Variants in CHRNA9 observed in about 807,000 individuals in gnomAD.
CHRNA9 encodes the protein cholinergic receptor nicotinic alpha 9 subunit.
In CHRNA9, 24 loss-of-function variants were observed where a neutral mutation model predicts 36.8. The observed-to-expected ratio is 0.65, with a 90% CI of 0.47 to 0.92. The LOEUF is 0.92. Ranked by LOEUF, CHRNA9 falls within the 40% of genes least tolerant of loss-of-function variation. The probability of loss-of-function intolerance (pLI) is 0.00; values close to 1 mark genes in which losing one functional copy is unlikely to be tolerated. For missense variants in CHRNA9, 610 were observed against 601.2 expected (o/e 1.01, Z -0.15); for synonymous variants, 231 against 231.8 (o/e 1.00, Z 0.03).
In CHRNA9 at chr4:40,354,269, A is replaced by T; in HGVS notation, c.1189A>T (p.Asn397Tyr). 6.2e-7 allele frequency: 1 copy of T among 1,614,244 alleles called. No homozygotes were observed. Among genetic ancestry groups the T allele is most frequent in the Non-Finnish European group, 8.5e-7 (1 of 1,180,038 alleles). Reference sequence around the variant, plus strand: ...AGACCTTTCCAGAAAGAAGGACATGAACAAACGCTTAAAGAACGACCTGGG... The same window carrying T: ...AGACCTTTCCAGAAAGAAGGACATGTACAAACGCTTAAAGAACGACCTGGG... ...NKDLSRKKDM[N>Y]KRLKNDLGCQ... The change falls in exon 5 of 5, where the codon AAC (asparagine) becomes TAC (tyrosine). Residue 397 changes from asparagine (N) to tyrosine (Y), a missense_variant. Asn to Tyr is a moderately radical substitution (Grantham distance 143). Coordinates refer to ENST00000310169, the MANE Select transcript of CHRNA9 (RefSeq NM_017581.4).
At chr4:40,339,299 A>G (rs1295956086) in intron 3 of CHRNA9, among the ~76,000 whole-genome samples, 1 of 144,292 alleles carries the variant, frequency 6.9e-6, no homozygotes, top group African/African-American at 2.6e-5. Context: ...AAAAAAAAAA[A>G]AAGAAAGAAA....
chr4:40,354,052 CT>C lies in CHRNA9; in HGVS notation c.974del (p.Phe325SerfsTer18), dbSNP rs1712877690. ...ALTIMVMNIH[F>X]CGAEARPVPH... ...TGACCATCATGGTGATGAATATCCA[CT>C]TCTGTGGGGCCGAGGCCCGGCCGGT... On this transcript the variant is annotated frameshift_variant, in exon 5 of 5. Transcript: ENST00000310169. LOFTEE classifies it low-confidence loss of function (END_TRUNC). The C allele has an allele frequency of 6.2e-7, 1 of 1,614,112 alleles. No individual in the cohort carries two copies. Among genetic ancestry groups the C allele is most frequent in the Admixed American group, 1.7e-5 (1 of 60,006 alleles).
Position 40,354,526 on chromosome 4 carries a change from G to T in CHRNA9, c.*6G>T, listed in dbSNP as rs777517452. The T allele has an allele frequency of 1.9e-6, 3 of 1,593,058 alleles. No homozygotes were observed. The highest frequency in any genetic ancestry group is 2.6e-6 in the Non-Finnish European group (3 of 1,165,444). On this transcript the variant is annotated 3_prime_UTR_variant, in exon 5 of 5. Coordinates refer to ENST00000310169, the MANE Select transcript of CHRNA9 (RefSeq NM_017581.4). ...TCATAGCAAGAGCGGATTAGTCACAGATATTGGCTTTGCTATCTGGGTAGA... is the reference window on the plus strand; with the variant it reads ...TCATAGCAAGAGCGGATTAGTCACATATATTGGCTTTGCTATCTGGGTAGA...
In CHRNA9 at chr4:40,354,449, C is replaced by T. The variant is rs200608832; in HGVS notation, c.1369C>T (p.Arg457Ter). The T allele has an allele frequency of 2.7e-4, 442 of 1,613,850 alleles. No homozygotes were observed. Among genetic ancestry groups the T allele is most frequent in the Non-Finnish European group, 3.6e-4 (423 of 1,179,954 alleles). The part of the protein sequence containing the change: ...EWKKVAKVID[R>*]FFMWIFFIMV... ...GAAGAAGGTGGCGAAAGTCATAGAC[C>T]GATTCTTCATGTGGATTTTTTTCAT... The change falls in exon 5 of 5, where the codon CGA becomes TGA. Residue 457 changes from arginine (R) to a stop codon, truncating the protein, a stop_gained. Coordinates refer to ENST00000310169, the MANE Select transcript of CHRNA9 (RefSeq NM_017581.4). LOFTEE classifies it high-confidence loss of function.
Position 40,335,837 on chromosome 4 carries a change from G to A in CHRNA9, c.75G>A (p.Thr25=), listed in dbSNP as rs541218458. 2.9e-5 allele frequency: 46 copies of A among 1,612,914 alleles called. No individual in the cohort carries two copies. In the South Asian group the frequency reaches 4.1e-4, roughly 14 times the overall value. The change falls in exon 2 of 5, where the codon ACG becomes ACA. Residue 25 remains threonine (T), a synonymous_variant. Coordinates refer to ENST00000310169, the MANE Select transcript of CHRNA9 (RefSeq NM_017581.4). ...CCTCTTGTTGAGTAGCTGCAGAGAC[G>A]GCAGATGGAAAATATGCTCAGAAGT... ...FAASRLRAAE[T]ADGKYAQKLF...
chr4:40,339,279 C>CAAAAAAAAA (rs61634062), intron 3 of CHRNA9, among the ~76,000 whole-genome samples: 13 of 71,142 alleles, frequency 1.8e-4, no homozygotes, highest in East Asian at 8.8e-4. Flanking sequence ...GACTCCATCT[C>CAAAAAAAAA]AAAAAAAAAA....
intron 3 of CHRNA9, among the ~76,000 whole-genome samples, chr4:40,338,868 GTC>G: frequency 9.1e-6 from 1 of 109,626 alleles, no homozygotes; most frequent in Non-Finnish European, 1.8e-5. Context: ...CTCTCTCTCT[GTC>G]TCTCTCTCTC....
intron 3 of CHRNA9, among the ~76,000 whole-genome samples, chr4:40,340,585 A>G (rs1712470637): frequency 6.6e-6 from 1 of 152,188 alleles, no homozygotes; most frequent in African/African-American, 2.4e-5. Flanking sequence ...TGCTTCTCAG[A>G]AGCAGGTACA....
intron 4 of CHRNA9, among the ~76,000 whole-genome samples, chr4:40,352,376 T>C (rs6447484): frequency 0.92 from 140,136 of 152,036 alleles, 64,766 homozygotes; most frequent in East Asian, 1. Context: ...CACGTGCCAA[T>C]ACACCCAGCT....
chr4:40,340,895 A>G (rs73146113), intron 3 of CHRNA9, among the ~76,000 whole-genome samples: 20,979 of 150,914 alleles, frequency 0.14, 1,539 homozygotes, highest in African/African-American at 0.16. Flanking sequence ...AAAGTAAGGT[A>G]GAAAAAAGAG....
Position 40,342,707 on chromosome 4 carries a change from C to G in CHRNA9, c.365+5343C>G. Among the ~76,000 whole-genome samples, 3 of 152,150 alleles carry G rather than the reference C, an allele frequency of 2.0e-5. 1 individual carries two copies. In the South Asian group the frequency reaches 6.2e-4, roughly 32 times the overall value. ...GAAATAAAAGCAAGAGGAAACGGGACAATAGCAGGTATCAGTTACTTTTGA... is the reference window on the plus strand; with the variant it reads ...GAAATAAAAGCAAGAGGAAACGGGAGAATAGCAGGTATCAGTTACTTTTGA... On this transcript the variant is annotated intron_variant, in intron 3 of 4. Transcript: ENST00000310169.
intron 4 of CHRNA9, among the ~76,000 whole-genome samples, chr4:40,350,727 C>CACACACACACACACACA (rs3219981): frequency 3.3e-5 from 5 of 149,386 alleles, no homozygotes; most frequent in Admixed American, 6.7e-5. Context: ...CACACACACA[C>CACACACACACACACACA]CTCTCTTTTT....
chr4:40,355,059 G>C lies in CHRNA9; in HGVS notation c.*539G>C, dbSNP rs1024506072. 3 of 152,462 alleles carry C rather than the reference G, an allele frequency of 2.0e-5. No homozygotes were observed. The highest frequency in any genetic ancestry group is 4.4e-5 in the Non-Finnish European group (3 of 68,328). 9.4% of individuals were successfully genotyped at this position (152,462 alleles called of 1,614,324 possible). On this transcript the variant is annotated 3_prime_UTR_variant, in exon 5 of 5. Coordinates refer to ENST00000310169, the MANE Select transcript of CHRNA9 (RefSeq NM_017581.4). The stretch of plus-strand genomic sequence containing the variant: ...AGTCTAAGCATCAGCTGTTTAATGG[G>C]GAAAAGAACTTTCTTCATAATGGTG...
chr4:40,339,279 C>CAA (rs61634062), intron 3 of CHRNA9, among the ~76,000 whole-genome samples: 32 of 71,104 alleles, frequency 4.5e-4, no homozygotes, highest in African/African-American at 5.8e-4. Flanking sequence ...GACTCCATCT[C>CAA]AAAAAAAAAA....
rs536543895 is a variant in CHRNA9, at chr4:40,337,358, A to G, written c.359A>G (p.Tyr120Cys). ...GTGTGGAGGCCAGACATCGTCTTATATAACAAGTAAGTGCAGCTCAGAACT... is the reference window on the plus strand; with the variant it reads ...GTGTGGAGGCCAGACATCGTCTTATGTAACAAGTAAGTGCAGCTCAGAACT... ...DLVWRPDIVLYNKADDESSEP... is the reference protein window; with the variant it reads ...DLVWRPDIVLCNKADDESSEP... The change falls in exon 3 of 5, where the codon TAT (tyrosine) becomes TGT (cysteine). Residue 120 changes from tyrosine to cysteine, a missense_variant. Coordinates refer to ENST00000310169, the MANE Select transcript of CHRNA9 (RefSeq NM_017581.4). The G allele has an allele frequency of 9.3e-6, 15 of 1,613,982 alleles. No homozygotes were observed. Among genetic ancestry groups the G allele is most frequent in the Admixed American group, 1.7e-5 (1 of 60,014 alleles).
chr4:40,352,807 A>C (rs1373710915), intron 4 of CHRNA9, among the ~76,000 whole-genome samples: 2 of 152,220 alleles, frequency 1.3e-5, no homozygotes, highest in African/African-American at 4.8e-5. Context: ...TAATAGTGAT[A>C]CAGTCTCCTT....
chr4:40,349,605 T>A, intron 4 of CHRNA9, 191 bp downstream of exon 4: 1 of 582,432 alleles, frequency 1.7e-6, no homozygotes, highest in Non-Finnish European at 3.0e-6. Flanking sequence ...TCAAAACTGG[T>A]CTTATGGTCT....
chr4:40,335,926 T>C lies in CHRNA9; in HGVS notation c.164T>C (p.Val55Ala). The change falls in exon 2 of 5, where the codon GTC becomes GCC. Residue 55 changes from valine (V) to alanine (A), a missense_variant. Coordinates refer to ENST00000310169, the MANE Select transcript of CHRNA9 (RefSeq NM_017581.4). ...ALRPVEDTDK[V>A]LNVTLQITLS... ...CGTCCAGTGGAAGATACAGATAAAGTCCTGAATGTGACCCTGCAGATTACG... is the reference window on the plus strand; with the variant it reads ...CGTCCAGTGGAAGATACAGATAAAGCCCTGAATGTGACCCTGCAGATTACG... 6.2e-7 allele frequency: 1 copy of C among 1,613,152 alleles called. No individual in the cohort carries two copies. The highest frequency in any genetic ancestry group is 8.5e-7 in the Non-Finnish European group (1 of 1,179,066).
Position 40,335,446 on chromosome 4 carries a change from A to G in CHRNA9, c.-22A>G. ...GACCACGCTGCCTGACTGAGACTTT[A>G]TTATAGAGGCTCAGGAAAAAGATGA... On this transcript the variant is annotated 5_prime_UTR_variant, in exon 1 of 5. Transcript: ENST00000310169. 1 of 1,600,388 alleles carries G rather than the reference A, an allele frequency of 6.2e-7. No homozygotes were observed. Among genetic ancestry groups the G allele is most frequent in the Non-Finnish European group, 8.6e-7 (1 of 1,167,344 alleles).
Sources: allele counts gnomAD v4.1 joint callset (sites outside exome capture counted in the v4.1 genomes callset), GRCh38; gene constraint gnomAD v4.1.1; transcripts MANE v1.5; gene names NCBI Gene and HGNC (gene_info 2026-07-23, HGNC 2026-07-21).